The following CAMTA1 variants were observed in gnomAD, a reference collection of about 807,000 sequenced individuals.
CAMTA1 encodes the protein calmodulin binding transcription activator 1.
A neutral mutation model predicts 170.9 loss-of-function variants in CAMTA1; 27 were observed. The observed-to-expected ratio is 0.16, with a 90% confidence interval of 0.12 to 0.22. The LOEUF (loss-of-function observed/expected upper bound fraction) is 0.22. Among genes scored for constraint, CAMTA1 ranks in the 10% least tolerant of loss-of-function variants. The pLI is 1.00. For missense variants in CAMTA1, 1,619 were observed against 2,217.2 expected, an observed-to-expected ratio of 0.73 and a Z score of 5.42; for synonymous variants, 833 against 891.5, an observed-to-expected ratio of 0.93 and a Z score of 1.17.
rs1047979573 is a variant in CAMTA1, at chr1:7,306,899, A to G, written c.438+57273A>G. On this transcript the variant is annotated intron_variant, in intron 5 of 22. Coordinates refer to ENST00000303635, the MANE Select transcript of CAMTA1 (RefSeq NM_015215.4). ...AAAAAATACAGTATAACAATTATTTATATAGCATCTACATTAGGTATTAGG... is the reference window on the plus strand; with the variant it reads ...AAAAAATACAGTATAACAATTATTTGTATAGCATCTACATTAGGTATTAGG... Among the ~76,000 whole-genome samples, 4 of 152,126 alleles carry G rather than the reference A, an allele frequency of 2.6e-5. No homozygotes were observed. The East Asian group carries it at 7.7e-4, about 29-fold the overall frequency.
At position 6,971,467 on chromosome 1, in the gene CAMTA1, C is replaced by T. The variant is rs573191955; in HGVS notation, c.235-119837C>T. Among the ~76,000 whole-genome samples the T allele has an allele frequency of 3.3e-4, 50 of 152,176 alleles. No homozygotes were observed. The highest frequency in any genetic ancestry group is 1.1e-3 in the African/African-American group (44 of 41,514). ...TTGCAAGCCCCTCAGTGGGGGAGTC[C>T]GGTTTGATTTGGTTTTGTTTTTACC... On this transcript the variant is annotated intron_variant, in intron 3 of 22. Transcript: ENST00000303635. This position sits in a 1 kb window ranked among gnomAD's most constrained non-coding sequence, Gnocchi z 4.6.
intron 11 of CAMTA1, among the ~76,000 whole-genome samples, chr1:7,688,983 C>T (rs980418759): frequency 4.6e-5 from 7 of 152,162 alleles, no homozygotes; most frequent in East Asian, 1.9e-4. Context: ...AAAATCAGGC[C>T]GGGTGCAGTG....
chr1:7,061,998 A>G (rs1432999921), intron 3 of CAMTA1, among the ~76,000 whole-genome samples: 2 of 152,020 alleles, frequency 1.3e-5, no homozygotes, highest in Non-Finnish European at 2.9e-5. Flanking sequence ...GCTCACTGCA[A>G]CCTCCGCCTA....
rs74663819 is a variant in CAMTA1 at position 7,241,967 on chromosome 1, T to G, written c.303-7524T>G. ...AATTGGAACTTACCAAAGGGGAAAA[T>G]TTTTACTCTTTTAAAGAAACCATCA... On this transcript the variant is annotated intron_variant, in intron 4 of 22. Coordinates refer to ENST00000303635, the MANE Select transcript of CAMTA1 (RefSeq NM_015215.4). 6.2e-3 allele frequency among the ~76,000 whole-genome samples: 927 copies of G among 150,530 alleles called. 6 individuals carry two copies. Among genetic ancestry groups the G allele is most frequent in the Non-Finnish European group, 0.01 (679 of 67,844 alleles).
chr1:6,826,404 TTTA>T (rs1317767389), intron 3 of CAMTA1, among the ~76,000 whole-genome samples: 1 of 152,252 alleles, frequency 6.6e-6, no homozygotes, highest in Non-Finnish European at 1.5e-5. Flanking sequence ...TAACCAGTTA[TTTA>T]TTAACTATTT....
In CAMTA1 at chr1:6,828,286, C is replaced by CTTTTTT. The variant is rs746522147; in HGVS notation, c.234+3095_234+3100dup. On this transcript the variant is annotated intron_variant, in intron 3 of 22. Transcript: ENST00000303635. The stretch of plus-strand genomic sequence containing the variant: ...TGAGTGAGATTGTGCTCATTCCATC[C>CTTTTTT]TTTTTTTTTTTTTTTTTTTTTTTTG... Among the ~76,000 whole-genome samples the CTTTTTT allele has an allele frequency of 2.2e-3, 155 of 69,758 alleles. 6 individuals carry two copies. The highest frequency in any genetic ancestry group is 3.0e-3 in the Non-Finnish European group (118 of 39,690). 45.8% of individuals were successfully genotyped at this position (69,758 alleles called of 152,430 possible).
Position 7,435,326 on chromosome 1 carries a change from T to G in CAMTA1, c.439-32504T>G, listed in dbSNP as rs903243954. Reference sequence around the variant, plus strand: ...GCCTTTATTCTCACTGTCTCAGGCATGAACTCAGGCCAGAATCCCATCATT... The same window carrying G: ...GCCTTTATTCTCACTGTCTCAGGCAGGAACTCAGGCCAGAATCCCATCATT... On this transcript the variant is annotated intron_variant, in intron 5 of 22. Transcript: ENST00000303635. The surrounding 1 kb of genome is among the most constrained non-coding windows in gnomAD (Gnocchi z 4.4). 2.0e-5 allele frequency among the ~76,000 whole-genome samples: 3 copies of G among 152,210 alleles called. No homozygotes were observed. Among genetic ancestry groups the G allele is most frequent in the African/African-American group, 7.2e-5 (3 of 41,458 alleles).
chr1:7,574,460 T>A (rs1409457687), intron 6 of CAMTA1, among the ~76,000 whole-genome samples: 1 of 152,180 alleles, frequency 6.6e-6, no homozygotes, highest in Non-Finnish European at 1.5e-5. Context: ...GGATGCTCCC[T>A]GGCCAGCTGA....
At chr1:7,516,417 G>A (rs1295645175) in intron 6 of CAMTA1, among the ~76,000 whole-genome samples, 1 of 152,212 alleles carries the variant, frequency 6.6e-6, no homozygotes, top group African/African-American at 2.4e-5. Context: ...GAGGGCAGCT[G>A]GGGCAGCCAG....
chr1:7,283,732 C>T (rs768404386), intron 5 of CAMTA1, among the ~76,000 whole-genome samples: 10 of 152,204 alleles, frequency 6.6e-5, no homozygotes, highest in Non-Finnish European at 1.2e-4. Flanking sequence ...AACTCCATTC[C>T]CTTTTCCTCT....
At chr1:7,486,214 C>A (rs1408312505) in intron 6 of CAMTA1, among the ~76,000 whole-genome samples, 1 of 152,218 alleles carries the variant, frequency 6.6e-6, no homozygotes, top group African/African-American at 2.4e-5. Flanking sequence ...AAATGCCTAA[C>A]AGTTGGCTCT....
rs1184126570 is a variant in CAMTA1 at position 7,300,945 on chromosome 1, C to G, written c.438+51319C>G. 6.6e-6 allele frequency among the ~76,000 whole-genome samples: 1 copy of G among 152,184 alleles called. No individual in the cohort carries two copies. The highest frequency in any genetic ancestry group is 1.5e-5 in the Non-Finnish European group (1 of 68,038). ...AGAATATAGCTTCTAAATTGCATAT[C>G]ATAGATGAGATACAACACACACATT... On this transcript the variant is annotated intron_variant, in intron 5 of 22. Coordinates refer to ENST00000303635, the MANE Select transcript of CAMTA1 (RefSeq NM_015215.4). This position sits in a 1 kb window ranked among gnomAD's most constrained non-coding sequence, Gnocchi z 4.1.
In CAMTA1 at chr1:7,517,404, C is replaced by T. The variant is rs545843239; in HGVS notation, c.510+49503C>T. On this transcript the variant is annotated intron_variant, in intron 6 of 22. Transcript: ENST00000303635. ...AATTTCCCTAAAGCTGTTCCCCAACCTGTGAAATGGGTACACGAATCCTGT... is the reference window on the plus strand; with the variant it reads ...AATTTCCCTAAAGCTGTTCCCCAACTTGTGAAATGGGTACACGAATCCTGT... Among the ~76,000 whole-genome samples, 16 of 152,278 alleles carry T rather than the reference C, an allele frequency of 1.1e-4. No homozygotes were observed. In the East Asian group the frequency reaches 2.1e-3, roughly 20 times the overall value.
At chr1:6,791,577 A>G (rs1337020742) in intron 1 of CAMTA1, among the ~76,000 whole-genome samples, 1 of 152,136 alleles carries the variant, frequency 6.6e-6, no homozygotes, top group African/African-American at 2.4e-5. Context: ...TGGAGCCTTC[A>G]TTTACAAGGA....
At chr1:7,387,221 A>T (rs1311218164) in intron 5 of CAMTA1, among the ~76,000 whole-genome samples, 1 of 151,814 alleles carries the variant, frequency 6.6e-6, no homozygotes, top group African/African-American at 2.4e-5. Flanking sequence ...CTCTCATTGA[A>T]CAGGCTTGGA....
chr1:6,985,912 A>G (rs1277184323), intron 3 of CAMTA1, among the ~76,000 whole-genome samples: 1 of 152,192 alleles, frequency 6.6e-6, no homozygotes, highest in African/African-American at 2.4e-5. Context: ...TGCTCTCTGC[A>G]CCTCTGTGTA....
At position 7,293,304 on chromosome 1, in the gene CAMTA1, C is replaced by CAA. The variant is rs1239286934; in HGVS notation, c.438+43678_438+43679insAA. ...AGAGGCCTGCTGTGACAAGGGATAA[C>CAA]GTGCTGGCAGGCCACTTGTCCAAGA... On this transcript the variant is annotated intron_variant, in intron 5 of 22. Transcript: ENST00000303635. This position sits in a 1 kb window ranked among gnomAD's most constrained non-coding sequence, Gnocchi z 4.1. Among the ~76,000 whole-genome samples the CAA allele has an allele frequency of 6.6e-6, 1 of 152,208 alleles. No individual in the cohort carries two copies.
At chr1:6,896,500 T>C (rs1424909906) in intron 3 of CAMTA1, among the ~76,000 whole-genome samples, 1 of 152,174 alleles carries the variant, frequency 6.6e-6, no homozygotes. Flanking sequence ...ATTTTGGGGT[T>C]AGGTAGCAAA....
chr1:7,268,311 T>C (rs1052595711), intron 5 of CAMTA1, among the ~76,000 whole-genome samples: 1 of 152,086 alleles, frequency 6.6e-6, no homozygotes, highest in African/African-American at 2.4e-5. Context: ...GGATAGAAGA[T>C]GTCCTTGATT....
Sources: allele counts gnomAD v4.1 joint callset (sites outside exome capture counted in the v4.1 genomes callset), GRCh38; gene constraint gnomAD v4.1.1; non-coding constraint Gnocchi (gnomAD v3.1); transcripts MANE v1.5; gene names NCBI Gene and HGNC (gene_info 2026-07-23, HGNC 2026-07-21).